The following CRY1 variants were observed in gnomAD, a reference collection of about 807,000 sequenced individuals.
The protein encoded by CRY1 is cryptochrome circadian regulator 1, also known as cryptochrome-1.
In CRY1, 45 loss-of-function variants were observed where a neutral mutation model predicts 76.0. The observed-to-expected ratio is 0.59, with a 90% CI of 0.47 to 0.76. The LOEUF is 0.76. Among genes scored for constraint, CRY1 ranks in the 30% least tolerant of loss-of-function variants. The pLI is 0.00. For synonymous variants in CRY1, 248 were observed against 244.0 expected (o/e 1.02, Z -0.15); for missense variants, 587 against 716.4 (o/e 0.82, Z 2.06).
chr12:107,093,308 G>A lies in CRY1; in HGVS notation c.-347C>T, dbSNP rs1010673262. The A allele has an allele frequency of 5.0e-5, 12 of 239,858 alleles. No individual in the cohort carries two copies. The highest frequency in any genetic ancestry group is 8.0e-5 in the Non-Finnish European group (10 of 124,672). The allele number at this position is 239,858 out of a possible 1,614,324, so 14.9% of individuals were successfully genotyped here. A position where few individuals can be genotyped will look rare whatever the true frequency, so the allele number is the denominator to read the frequency against. ...AGCTCGAGCCGCCACGACGGCCCGA[G>A]CCGGCACGGACGGCCCCAGGAGATT... is the stretch of plus-strand genomic sequence containing the variant. On this transcript the variant is annotated 5_prime_UTR_variant, in exon 1 of 13. Transcript: ENST00000008527.
chr12:107,019,101 T>G (rs1952525863), intron 2 of CRY1, among the ~76,000 whole-genome samples: 1 of 152,200 alleles, frequency 6.6e-6, no homozygotes, highest in African/African-American at 2.4e-5. Context: ...GAGACACTAA[T>G]TAAGTAACTC....
chr12:106,997,758 C>T (rs1286418972), intron 8 of CRY1, 68 bp from the exon 9 acceptor site: 2 of 1,571,894 alleles, frequency 1.3e-6, no homozygotes, highest in African/African-American at 1.4e-5. Flanking sequence ...CTAGCTATGA[C>T]AGACCAAAAT....
chr12:107,048,876 G>A (rs548191619), intron 1 of CRY1, among the ~76,000 whole-genome samples: 1 of 152,164 alleles, frequency 6.6e-6, no homozygotes, highest in East Asian at 1.9e-4. Flanking sequence ...TTTCCTATGA[G>A]TCTAATTGTC....
intron 2 of CRY1, among the ~76,000 whole-genome samples, chr12:107,005,864 TTAA>T (rs1298166654): frequency 6.6e-6 from 1 of 152,312 alleles, no homozygotes; most frequent in East Asian, 1.9e-4. Context: ...AGGAGCTATG[TTAA>T]TAAGTTCTGT....
At chr12:107,004,456 G>A (rs1264683865) in intron 3 of CRY1, among the ~76,000 whole-genome samples, 1 of 152,112 alleles carries the variant, frequency 6.6e-6, no homozygotes, top group Non-Finnish European at 1.5e-5. Context: ...TATGCCAAAA[G>A]TTTTAAAAAG....
intron 1 of CRY1, among the ~76,000 whole-genome samples, chr12:107,077,111 C>A (rs1275069260): frequency 6.6e-6 from 1 of 151,844 alleles, no homozygotes; most frequent in African/African-American, 2.4e-5. Context: ...TAGAATTCCT[C>A]CTCTCTCAGT....
chr12:107,004,074 G>A (rs1286450621), intron 3 of CRY1, among the ~76,000 whole-genome samples: 1 of 152,056 alleles, frequency 6.6e-6, no homozygotes, highest in East Asian at 1.9e-4. Flanking sequence ...CAAAGTGCTG[G>A]GATTACAGGT....
rs922681731 is a variant in CRY1 at position 107,092,713 on chromosome 12, C to T, written c.158+91G>A. 9.7e-6 allele frequency: 15 copies of T among 1,551,794 alleles called. No homozygotes were observed. In the African/African-American group the frequency reaches 1.5e-4, roughly 16 times the overall value. On this transcript the variant is annotated intron_variant, in intron 1 of 12. Transcript: ENST00000008527. ...CGGTATAAGCAAGACAGTCCCACGT[C>T]TAAATTCACAGATTTGGCGGATCGC...
At chr12:107,045,063 C>T (rs368682033) in intron 1 of CRY1, among the ~76,000 whole-genome samples, 8 of 152,148 alleles carry the variant, frequency 5.3e-5, no homozygotes, top group South Asian at 2.1e-4. Flanking sequence ...TCATTCCTCA[C>T]GGCACATTAC....
intron 7 of CRY1, among the ~76,000 whole-genome samples, chr12:106,998,674 A>ACACACACACACACACG (rs1952261176): frequency 1.3e-5 from 2 of 151,624 alleles, no homozygotes; most frequent in East Asian, 3.9e-4. Context: ...ACACACACAC[A>ACACACACACACACACG]CACACACACA....
chr12:107,080,392 G>A (rs1245393307), intron 1 of CRY1, among the ~76,000 whole-genome samples: 2 of 151,956 alleles, frequency 1.3e-5, no homozygotes, highest in African/African-American at 2.4e-5. Flanking sequence ...AGAGATTTGC[G>A]CTGAAGACAC....
chr12:107,071,829 G>A (rs140359657), intron 1 of CRY1, among the ~76,000 whole-genome samples: 11 of 152,216 alleles, frequency 7.2e-5, no homozygotes, highest in African/African-American at 2.6e-4. Context: ...TAGATTTAAC[G>A]GCAGGTATTT....
chr12:107,073,115 T>G (rs1397015420), intron 1 of CRY1: 1 of 152,070 alleles, frequency 6.6e-6, no homozygotes, highest in Non-Finnish European at 1.5e-5. Context: ...AAAAACATTG[T>G]AAATATTTAT....
At chr12:107,016,747 A>G (rs1028906652) in intron 2 of CRY1, among the ~76,000 whole-genome samples, 8 of 152,182 alleles carry the variant, frequency 5.3e-5, no homozygotes, top group African/African-American at 1.9e-4. Flanking sequence ...AGGCATCCCA[A>G]ACTAAAAATT....
intron 2 of CRY1, among the ~76,000 whole-genome samples, chr12:107,016,899 C>A (rs1390131181): frequency 6.6e-6 from 1 of 152,156 alleles, no homozygotes; most frequent in Non-Finnish European, 1.5e-5. Flanking sequence ...ATAGGCAAAC[C>A]TTACAGCCTC....
In CRY1 at chr12:106,992,888, T is replaced by TAA. The variant is rs753845251; in HGVS notation, c.1659_1660insTT (p.Arg554LeufsTer56). 1 of 1,614,048 alleles carries TAA rather than the reference T, an allele frequency of 6.2e-7. No individual in the cohort carries two copies. Among genetic ancestry groups the TAA allele is most frequent in the Non-Finnish European group, 8.5e-7 (1 of 1,179,944 alleles). On this transcript the variant is annotated frameshift_variant and splice_region_variant, in exon 12 of 13. Coordinates refer to ENST00000008527, the MANE Select transcript of CRY1 (RefSeq NM_004075.5). LOFTEE classifies it high-confidence loss of function. Reference sequence around the variant, plus strand: ...CTGAGACCAGTGCCCATGGAGCTTCTTCCTGCACATTTAAAAAATGTATGT... The same window carrying TAA: ...CTGAGACCAGTGCCCATGGAGCTTCTAATCCTGCACATTTAAAAAATGTATGT...
At chr12:107,078,612 T>C (rs1208684134) in intron 1 of CRY1, among the ~76,000 whole-genome samples, 3 of 152,330 alleles carry the variant, frequency 2.0e-5, no homozygotes, top group Admixed American at 2.0e-4. Context: ...ATACAGGAAT[T>C]ATTCCCATAT....
At chr12:107,036,036 G>A (rs1952729166) in intron 1 of CRY1, among the ~76,000 whole-genome samples, 1 of 152,142 alleles carries the variant, frequency 6.6e-6, no homozygotes, top group African/African-American at 2.4e-5. Flanking sequence ...TTCTAATGGT[G>A]ACTTTACCGT....
At position 107,093,361 on chromosome 12, in the gene CRY1, C is replaced by T. The variant is rs767884535; in HGVS notation, c.-400G>A. ...TCACGGAAACCTCGCCCCACCAAGG[C>T]GGCCCCTAAAGACAAAACGGCCCGC... On this transcript the variant is annotated 5_prime_UTR_variant, in exon 1 of 13. Coordinates refer to ENST00000008527, the MANE Select transcript of CRY1 (RefSeq NM_004075.5). 2 of 175,284 alleles carry T rather than the reference C, an allele frequency of 1.1e-5. No homozygotes were observed. Among genetic ancestry groups the T allele is most frequent in the Non-Finnish European group, 2.4e-5 (2 of 83,412 alleles). The allele number at this position is 175,284 out of a possible 1,614,324, so 10.9% of individuals were successfully genotyped here. A position where few individuals can be genotyped will look rare whatever the true frequency, so the allele number is the denominator to read the frequency against.
Sources: gnomAD v4.1 joint callset for allele counts (sites outside exome capture counted in the v4.1 genomes callset) on GRCh38, gnomAD v4.1.1 for gene constraint, MANE v1.5 for transcripts, NCBI Gene and HGNC (gene_info 2026-07-23, HGNC 2026-07-21) for gene names.